Variants in DMD observed in about 807,000 individuals in gnomAD.
DMD encodes the protein dystrophin, also known as mutant dystrophin.
Under a neutral mutation model 330.1 loss-of-function variants are expected in DMD, and 63 were observed. The ratio of observed to expected loss-of-function variants is 0.19; its 90% CI spans 0.16 to 0.24. DMD has a LOEUF of 0.24. Ranked by LOEUF, DMD falls within the 10% of genes least tolerant of loss-of-function variation. The pLI, the probability that DMD is intolerant of heterozygous loss-of-function variation, is 1.00. For synonymous variants in DMD, 1,223 were observed against 959.8 expected (o/e 1.27, Z -5.07); for missense variants, 3,344 against 2,684.1 (o/e 1.25, Z -5.43).
intron 1 of DMD, among the ~76,000 whole-genome samples, chrX:33,124,491 A>C (rs1429110309): frequency 2.9e-5 from 3 of 104,781 alleles, no homozygotes; most frequent in African/African-American, 1.0e-4. Flanking sequence ...AAAAAAAAAA[A>C]AAAAAAAAAA....
chrX:31,305,915 G>A (rs1404012417), intron 62 of DMD, among the ~76,000 whole-genome samples: 1 of 112,193 alleles, frequency 8.9e-6, no homozygotes, highest in Non-Finnish European at 1.9e-5. Flanking sequence ...GTGAGGTTTG[G>A]CAATAAGTGT....
chrX:33,051,217 T>C (rs760533155), intron 1 of DMD, among the ~76,000 whole-genome samples: 2 of 106,292 alleles, frequency 1.9e-5, no homozygotes, highest in South Asian at 4.3e-4. Context: ...CTTTTCTTTT[T>C]TTTTTTTTTT....
At chrX:32,509,495 C>T (rs1261656516) in intron 18 of DMD, among the ~76,000 whole-genome samples, 2 of 111,558 alleles carry the variant, frequency 1.8e-5, no homozygotes, top group African/African-American at 3.3e-5. Flanking sequence ...ATAGGCCTTC[C>T]ACAGGTCTAT....
intron 51 of DMD, among the ~76,000 whole-genome samples, chrX:31,769,795 G>A (rs186028102): frequency 8.9e-6 from 1 of 111,877 alleles, no homozygotes; most frequent in East Asian, 2.8e-4. Flanking sequence ...ACATGTTCTT[G>A]ACTGAGTTCA....
intron 50 of DMD, among the ~76,000 whole-genome samples, chrX:31,792,607 A>G (rs1024782305): frequency 8.9e-6 from 1 of 112,252 alleles, no homozygotes; most frequent in Admixed American, 9.4e-5. Flanking sequence ...ACGAAGCAGG[A>G]TATTTCCCTG....
intron 1 of DMD, among the ~76,000 whole-genome samples, chrX:33,285,292 G>T (rs968462021): frequency 2.0e-4 from 20 of 101,830 alleles, no homozygotes; most frequent in African/African-American, 7.0e-4. Flanking sequence ...ATTTCAAAAA[G>T]TTTAATACGA....
At chrX:31,579,394 G>C (rs781541221) in intron 55 of DMD, among the ~76,000 whole-genome samples, 138 of 112,176 alleles carry the variant, frequency 1.2e-3, no homozygotes, top group Non-Finnish European at 2.1e-3. Flanking sequence ...TTCTACCTTT[G>C]TCTGCCAACA....
At chrX:32,575,895 T>C (rs937853569) in intron 13 of DMD, among the ~76,000 whole-genome samples, 38 of 112,153 alleles carry the variant, frequency 3.4e-4, no homozygotes, top group African/African-American at 1.2e-3. Context: ...CTTTCAAGTA[T>C]ATATAGCATC....
chrX:32,819,862 A>G (rs1189324006), intron 5 of DMD, among the ~76,000 whole-genome samples: 4 of 110,370 alleles, frequency 3.6e-5, no homozygotes, highest in Non-Finnish European at 7.6e-5. Flanking sequence ...AAAAAAAAAA[A>G]AAAAGAAAAA....
At chrX:32,814,880 T>C (rs1461975149) in intron 6 of DMD, among the ~76,000 whole-genome samples, 1 of 111,848 alleles carries the variant, frequency 8.9e-6, no homozygotes, top group Non-Finnish European at 1.9e-5. Context: ...TGATCCTTGA[T>C]ATTTTTATTC....
intron 2 of DMD, among the ~76,000 whole-genome samples, chrX:32,921,666 G>A (rs778268405): frequency 9.0e-6 from 1 of 111,614 alleles, no homozygotes; most frequent in Admixed American, 9.5e-5. Flanking sequence ...CATAATAGGA[G>A]AAACAATTTT....
At chrX:31,207,925 A>G (rs2044254284) in intron 65 of DMD, among the ~76,000 whole-genome samples, 1 of 111,255 alleles carries the variant, frequency 9.0e-6, no homozygotes, top group Non-Finnish European at 1.9e-5. Context: ...TGAGTGATGA[A>G]ATAATCTGTA....
intron 1 of DMD, among the ~76,000 whole-genome samples, chrX:33,320,249 C>T: frequency 9.0e-6 from 1 of 111,624 alleles, no homozygotes; most frequent in Non-Finnish European, 1.9e-5. Context: ...AATTGCCATA[C>T]TTCTATGTGA....
At chrX:32,726,249 G>A (rs2066869207) in intron 7 of DMD, among the ~76,000 whole-genome samples, 1 of 110,864 alleles carries the variant, frequency 9.0e-6, no homozygotes, top group Non-Finnish European at 1.9e-5. Context: ...CGATAGATAA[G>A]GTCATATTCA....
chrX:32,364,736 G>A, intron 35 of DMD, 26 bp from the exon 36 acceptor site: 3 of 1,197,095 alleles, frequency 2.5e-6, no homozygotes, highest in Non-Finnish European at 3.4e-6. Flanking sequence ...ACATACCATG[G>A]CATTATTGGT....
chrX:32,736,982 A>G (rs1156424861), intron 7 of DMD, among the ~76,000 whole-genome samples: 3 of 111,496 alleles, frequency 2.7e-5, no homozygotes, highest in African/African-American at 9.8e-5. Context: ...ACCATTAACC[A>G]CATATATATC....
At chrX:32,883,370 T>C (rs1050950100) in intron 2 of DMD, among the ~76,000 whole-genome samples, 1 of 111,736 alleles carries the variant, frequency 8.9e-6, no homozygotes, top group African/African-American at 3.3e-5. Flanking sequence ...TGGACACTGG[T>C]AATTGCTTCT....
chrX:32,045,251 G>A (rs908485884), intron 44 of DMD, among the ~76,000 whole-genome samples: 2 of 109,998 alleles, frequency 1.8e-5, no homozygotes, highest in Non-Finnish European at 3.8e-5. Flanking sequence ...GTTGGACTTG[G>A]GGCCTGGTGT....
intron 30 of DMD, among the ~76,000 whole-genome samples, chrX:32,407,115 A>G (rs2098120819): frequency 8.9e-6 from 1 of 111,766 alleles, no homozygotes; most frequent in Non-Finnish European, 1.9e-5. Context: ...AAAAGCCAAA[A>G]TTGACAAATG....
Sources: allele counts gnomAD v4.1 joint callset (sites outside exome capture counted in the v4.1 genomes callset), GRCh38; gene constraint gnomAD v4.1.1; transcripts MANE v1.5; gene names NCBI Gene and HGNC (gene_info 2026-07-23, HGNC 2026-07-21).